The following RELN variants were observed in gnomAD, a reference collection of about 807,000 sequenced individuals.
RELN encodes reelin.
Under a neutral mutation model 427.6 loss-of-function variants are expected in RELN, and 108 were observed. That is an observed-to-expected ratio of 0.25 (90% CI 0.22 to 0.30). RELN has a LOEUF of 0.30. RELN is among the 10% of genes least tolerant of loss of function. The pLI is 1.00. For missense variants in RELN, 3,715 were observed against 4,302.8 expected, an observed-to-expected ratio of 0.86 and a Z score of 3.82; for synonymous variants, 1,524 against 1,513.4, an observed-to-expected ratio of 1.01 and a Z score of -0.16.
chr7:103,761,057 C>T (rs995966915), intron 4 of RELN, among the ~76,000 whole-genome samples: 11 of 152,124 alleles, frequency 7.2e-5, no homozygotes, highest in Admixed American at 3.3e-4. Flanking sequence ...TATTTAAAGA[C>T]AGCTAAATTA....
chr7:103,858,839 A>G (rs1468677585), intron 2 of RELN, among the ~76,000 whole-genome samples: 1 of 152,178 alleles, frequency 6.6e-6, no homozygotes, highest in African/African-American at 2.4e-5. Context: ...CAATGAATTG[A>G]GTCTTTTATA....
intron 6 of RELN, among the ~76,000 whole-genome samples, chr7:103,742,856 G>A (rs1004816339): frequency 2.6e-5 from 4 of 152,136 alleles, no homozygotes; most frequent in Non-Finnish European, 4.4e-5. Context: ...TTATCCAGGA[G>A]AACTTCCCCA....
chr7:103,477,507 G>A (rs1828078390), intron 64 of RELN, among the ~76,000 whole-genome samples: 1 of 152,208 alleles, frequency 6.6e-6, no homozygotes. Context: ...TGAGTGTAAG[G>A]CAGGAAGCTG....
At chr7:103,748,220 T>C (rs1400740095) in intron 6 of RELN, among the ~76,000 whole-genome samples, 1 of 151,934 alleles carries the variant, frequency 6.6e-6, no homozygotes, top group Non-Finnish European at 1.5e-5. Context: ...AGCAGAGTTC[T>C]ATTGATAAAC....
Position 103,872,030 on chromosome 7 carries a change from A to ATTTTT in RELN, c.338-38363_338-38359dup, listed in dbSNP as rs1554434458. Among the ~76,000 whole-genome samples, 711 of 138,444 alleles carry ATTTTT rather than the reference A, an allele frequency of 5.1e-3. 1 individual carries two copies. Among genetic ancestry groups the ATTTTT allele is most frequent in the Middle Eastern group, 0.011 (3 of 268 alleles). 90.8% of individuals were successfully genotyped at this position (138,444 alleles called of 152,430 possible). On this transcript the variant is annotated intron_variant, in intron 2 of 64. Transcript: ENST00000428762. ...AGTATATGAATATATATATATATAT[A>ATTTTT]TTTTTCTTTTTTCTTTTTTTTCTTT...
chr7:103,668,200 A>T (rs1833314514), intron 11 of RELN, among the ~76,000 whole-genome samples: 1 of 152,218 alleles, frequency 6.6e-6, no homozygotes, highest in South Asian at 2.1e-4. Context: ...ACTGCACTCC[A>T]GCCTGGGTGA....
chr7:103,610,583 G>C, intron 22 of RELN, 112 bp downstream of exon 22: 1 of 729,586 alleles, frequency 1.4e-6, no homozygotes. Flanking sequence ...TCATGCTATT[G>C]TGCTTAACTT....
At chr7:103,855,478 C>T (rs1227857136) in intron 2 of RELN, among the ~76,000 whole-genome samples, 1 of 152,166 alleles carries the variant, frequency 6.6e-6, no homozygotes, top group African/African-American at 2.4e-5. Context: ...AAGGAACATG[C>T]CTGGAAGATC....
rs532834307 is a variant in RELN, at chr7:103,696,653, C to T, written c.1143+1200G>A. Among the ~76,000 whole-genome samples the T allele has an allele frequency of 3.9e-5, 6 of 152,208 alleles. No individual in the cohort carries two copies. The East Asian group carries it at 9.7e-4, about 25-fold the overall frequency. ...ATAAATCTGAAATAGCCACATTTTT[C>T]CATCCTCTCACTCCTAATTCTGGCC... On this transcript the variant is annotated intron_variant, in intron 10 of 64. Transcript: ENST00000428762.
chr7:103,954,706 TATTATA>T (rs1450638756), intron 1 of RELN, among the ~76,000 whole-genome samples: 3 of 152,190 alleles, frequency 2.0e-5, no homozygotes, highest in African/African-American at 7.2e-5. Context: ...CAGAAAGAGA[TATTATA>T]ATTAGGTTAT....
chr7:103,780,736 CT>C (rs1217510554), intron 3 of RELN, among the ~76,000 whole-genome samples: 3 of 152,130 alleles, frequency 2.0e-5, no homozygotes, highest in African/African-American at 7.2e-5. Flanking sequence ...TGATCTCATT[CT>C]TTTTTTATGG....
intron 22 of RELN, among the ~76,000 whole-genome samples, chr7:103,605,210 T>C (rs1479528250): frequency 6.6e-6 from 1 of 152,242 alleles, no homozygotes; most frequent in African/African-American, 2.4e-5. Context: ...CAGTAGTTAT[T>C]AGAACATTTT....
At chr7:103,677,102 G>A (rs1833546718) in intron 11 of RELN, among the ~76,000 whole-genome samples, 1 of 151,956 alleles carries the variant, frequency 6.6e-6, no homozygotes, top group African/African-American at 2.4e-5. Flanking sequence ...ATGAGTTGCT[G>A]TCCTTTGCAG....
At chr7:103,961,577 G>A (rs1189807105) in intron 1 of RELN, among the ~76,000 whole-genome samples, 1 of 152,174 alleles carries the variant, frequency 6.6e-6, no homozygotes, top group Non-Finnish European at 1.5e-5. Flanking sequence ...ATAACGTCCT[G>A]CTACTGTTGT....
At chr7:103,969,916 A>C (rs1349428080) in intron 1 of RELN, among the ~76,000 whole-genome samples, 1 of 152,184 alleles carries the variant, frequency 6.6e-6, no homozygotes, top group Non-Finnish European at 1.5e-5. Flanking sequence ...CAGATAAGTA[A>C]CTTCCATGTC....
intron 1 of RELN, among the ~76,000 whole-genome samples, chr7:103,920,791 C>T (rs777370597): frequency 3.3e-5 from 5 of 152,144 alleles, no homozygotes; most frequent in South Asian, 2.1e-4. Context: ...CCAGGCTGGT[C>T]TTGAACTCCT....
intron 15 of RELN, 122 bp from the exon 16 acceptor site, chr7:103,650,505 A>T (rs1832892427): frequency 5.5e-6 from 4 of 733,798 alleles, no homozygotes; most frequent in South Asian, 2.9e-5. Flanking sequence ...TTACCAATAA[A>T]CTCTTTAAAT....
At chr7:103,903,815 C>A (rs1470484753) in intron 2 of RELN, among the ~76,000 whole-genome samples, 1 of 151,570 alleles carries the variant, frequency 6.6e-6, no homozygotes, top group African/African-American at 2.4e-5. Flanking sequence ...AAAGTATCTA[C>A]AATGGTTTCT....
chr7:103,871,487 A>G (rs957059789), intron 2 of RELN, among the ~76,000 whole-genome samples: 7 of 152,074 alleles, frequency 4.6e-5, no homozygotes, highest in Non-Finnish European at 5.9e-5. Context: ...GCAAGAGACT[A>G]CATTTGCCGT....
Sources: gnomAD v4.1 joint callset for allele counts (sites outside exome capture counted in the v4.1 genomes callset) on GRCh38, gnomAD v4.1.1 for gene constraint, MANE v1.5 for transcripts, NCBI Gene and HGNC (gene_info 2026-07-23, HGNC 2026-07-21) for gene names.